Variants in ADGRG4 observed in about 807,000 individuals in gnomAD.
The protein encoded by ADGRG4 is adhesion G protein-coupled receptor G4.
Under a neutral mutation model 126.2 loss-of-function variants are expected in ADGRG4, and 122 were observed. The ratio of observed to expected loss-of-function variants is 0.97; its 90% CI spans 0.83 to 1.12. The LOEUF is 1.12. Ranked by LOEUF, ADGRG4 falls within the 50% of genes most tolerant of loss-of-function variation. ADGRG4 has a pLI of 0.00. For synonymous variants in ADGRG4, 943 were observed against 838.7 expected (o/e 1.12, Z -2.15); for missense variants, 2,481 against 2,251.8 (o/e 1.10, Z -2.06).
chrX:136,396,735 A>G (rs1302826581), intron 19 of ADGRG4, among the ~76,000 whole-genome samples: 1 of 108,942 alleles, frequency 9.2e-6, no homozygotes, highest in Non-Finnish European at 1.9e-5. Context: ...AATGACTGGA[A>G]TACACCAGGG....
chrX:136,314,533 A>T (rs1046508510), intron 4 of ADGRG4, among the ~76,000 whole-genome samples: 3 of 111,436 alleles, frequency 2.7e-5, no homozygotes, highest in South Asian at 3.8e-4. Context: ...ACATCTTTGT[A>T]CCCTGGCTCT....
At chrX:136,322,343 A>G (rs1413439854) in intron 4 of ADGRG4, among the ~76,000 whole-genome samples, 1 of 111,968 alleles carries the variant, frequency 8.9e-6, no homozygotes, top group African/African-American at 3.2e-5. Flanking sequence ...TTGCTGTTGC[A>G]CCATGAATGT....
chrX:136,387,976 T>A lies in ADGRG4; in HGVS notation c.7911+102T>A, dbSNP rs900353955. ...ATGATGTTCTGCTTATTTTAGAATA[T>A]GCTGATTGATTCCACAAGTCTTCCA... On this transcript the variant is annotated intron_variant, in intron 16 of 25. Coordinates refer to ENST00000394143, the MANE Select transcript of ADGRG4 (RefSeq NM_153834.4). 14 of 777,085 alleles carry A rather than the reference T, an allele frequency of 1.8e-5. No homozygotes were observed. In the Middle Eastern group the frequency reaches 1.5e-3, roughly 81 times the overall value. 64.0% of individuals were successfully genotyped at this position (777,085 alleles called of 1,213,427 possible).
chrX:136,310,610 T>C (rs759748381), intron 4 of ADGRG4, among the ~76,000 whole-genome samples: 22 of 111,209 alleles, frequency 2.0e-4, no homozygotes, highest in South Asian at 7.7e-4. Flanking sequence ...AGGGTCATTA[T>C]TGGGGAGAGA....
At chrX:136,316,000 C>T (rs1191674967) in intron 4 of ADGRG4, among the ~76,000 whole-genome samples, 2 of 112,290 alleles carry the variant, frequency 1.8e-5, no homozygotes, top group Non-Finnish European at 3.8e-5. Context: ...GGACTTCTAG[C>T]CTCCAAAACT....
intron 1 of ADGRG4, among the ~76,000 whole-genome samples, chrX:136,301,464 T>A (rs2074699425): frequency 8.9e-6 from 1 of 112,104 alleles, no homozygotes; most frequent in African/African-American, 3.2e-5. Context: ...TTTGTTGGAG[T>A]TCTTTGTAGA....
rs750564607 is a variant in ADGRG4, at chrX:136,323,144, C to T, written c.437C>T (p.Thr146Met). 1.5e-5 allele frequency: 18 copies of T among 1,209,683 alleles called. No homozygotes were observed. Among genetic ancestry groups the T allele is most frequent in the Admixed American group, 1.3e-4 (6 of 45,705 alleles). The change falls in exon 5 of 26, where the codon ACG becomes ATG. Residue 146 changes from threonine to methionine, a missense_variant. Physicochemically the swap from Thr to Met is moderately conservative, Grantham distance 81. Transcript: ENST00000394143. ...AATAAAGAAAGGATACTGGAAGTAACGGATCAACCACACAACCTGACACCT... is the reference window on the plus strand; with the variant it reads ...AATAAAGAAAGGATACTGGAAGTAATGGATCAACCACACAACCTGACACCT... ...FLNKERILEV[T>M]DQPHNLTPHG...
intron 6 of ADGRG4, among the ~76,000 whole-genome samples, chrX:136,350,929 C>G (rs2075058502): frequency 9.0e-6 from 1 of 111,560 alleles, no homozygotes; most frequent in Non-Finnish European, 1.9e-5. Flanking sequence ...GAGTGCTTGT[C>G]CAAGGCCAGG....
intron 8 of ADGRG4, among the ~76,000 whole-genome samples, chrX:136,355,917 T>C (rs2075090725): frequency 9.0e-6 from 1 of 111,710 alleles, no homozygotes; most frequent in Non-Finnish European, 1.9e-5. Flanking sequence ...GGATGCAAGG[T>C]TAATAAATCA....
intron 16 of ADGRG4, among the ~76,000 whole-genome samples, chrX:136,392,011 G>A (rs1488180501): frequency 1.8e-5 from 2 of 112,092 alleles, no homozygotes; most frequent in African/African-American, 6.5e-5. Flanking sequence ...ACATTTGGTT[G>A]GATGGATGGA....
intron 5 of ADGRG4, among the ~76,000 whole-genome samples, chrX:136,330,956 TG>T (rs1229095372): frequency 1.8e-5 from 2 of 111,102 alleles, no homozygotes; most frequent in African/African-American, 6.5e-5. Context: ...AACTTTTTTT[TG>T]TTCACATTAA....
intron 15 of ADGRG4, among the ~76,000 whole-genome samples, chrX:136,380,637 TTCTTCTTCTTCTTCC>T (rs2075256902): frequency 1.2e-5 from 1 of 85,782 alleles, no homozygotes; most frequent in African/African-American, 4.4e-5. Flanking sequence ...CTTCTTCTTC[TTCTTCTTCTTCTTCC>T]TCCTCCTCCT....
rs767109507 is a variant in ADGRG4, at chrX:136,387,776, G to T, written c.7813G>T (p.Ala2605Ser). The change falls in exon 16 of 26, where the codon GCT (alanine) becomes TCT (serine). Residue 2605 changes from alanine to serine, a missense_variant. Ala to Ser is a moderately conservative substitution (Grantham distance 99, BLOSUM62 1). Transcript: ENST00000394143. The part of the protein sequence containing the change: ...LGNVPVGGIL[A>S]SIYLPKSLTE... Reference sequence around the variant, plus strand: ...CAATGTCCCTGTGGGAGGGATTTTGGCTTCCATATATTTGCCTAAATCACT... The same window carrying T: ...CAATGTCCCTGTGGGAGGGATTTTGTCTTCCATATATTTGCCTAAATCACT... 1 of 1,207,528 alleles carries T rather than the reference G, an allele frequency of 8.3e-7. No individual in the cohort carries two copies.
chrX:136,354,818 T>C (rs954962432), intron 8 of ADGRG4, among the ~76,000 whole-genome samples: 1 of 111,646 alleles, frequency 9.0e-6, no homozygotes, highest in African/African-American at 3.3e-5. Flanking sequence ...AAGATACGAA[T>C]GAAGAGATGT....
chrX:136,398,784 T>C (rs975922509), intron 20 of ADGRG4, among the ~76,000 whole-genome samples: 1 of 111,631 alleles, frequency 9.0e-6, no homozygotes, highest in East Asian at 2.8e-4. Context: ...AGATATATAC[T>C]CAAGACAAAT....
chrX:136,325,610 G>A (rs1011379459), intron 5 of ADGRG4, among the ~76,000 whole-genome samples: 1 of 111,183 alleles, frequency 9.0e-6, no homozygotes, highest in African/African-American at 3.3e-5. Context: ...TCTGGCCAGC[G>A]AATGGCCATG....
chrX:136,405,761 G>T lies in ADGRG4; in HGVS notation c.8724G>T (p.Met2908Ile). The T allele has an allele frequency of 8.3e-7, 1 of 1,197,959 alleles. No individual in the cohort carries two copies. Among genetic ancestry groups the T allele is most frequent in the Non-Finnish European group, 1.1e-6 (1 of 886,829 alleles). Residue 2908 changes from methionine to isoleucine, a missense_variant, in exon 23 of 26, where the codon ATG (methionine) becomes ATT (isoleucine). Transcript: ENST00000394143. Reference protein sequence around the residue: ...VVAYFCLIFLMNLSMFCTVLV... With the variant: ...VVAYFCLIFLINLSMFCTVLV... Reference sequence around the variant, plus strand: ...CTTATTTTTGCCTCATATTTCTCATGAATCTCTCCATGTTCTGCACTGTTC... The same window carrying T: ...CTTATTTTTGCCTCATATTTCTCATTAATCTCTCCATGTTCTGCACTGTTC...
chrX:136,385,175 A>G (rs1603299127), intron 15 of ADGRG4, among the ~76,000 whole-genome samples: 1 of 111,398 alleles, frequency 9.0e-6, no homozygotes, highest in East Asian at 2.8e-4. Flanking sequence ...ATTTGCAGAC[A>G]TCTGTTGTTT....
intron 16 of ADGRG4, among the ~76,000 whole-genome samples, chrX:136,388,646 G>T (rs2075304171): frequency 8.9e-6 from 1 of 111,866 alleles, no homozygotes; most frequent in South Asian, 3.7e-4. Flanking sequence ...CCTGTCTTAG[G>T]TCTCTGCCTA....
Sources: gnomAD v4.1 joint callset for allele counts (sites outside exome capture counted in the v4.1 genomes callset) on GRCh38, gnomAD v4.1.1 for gene constraint, MANE v1.5 for transcripts, NCBI Gene and HGNC (gene_info 2026-07-23, HGNC 2026-07-21) for gene names.